Variants in LRMDA observed in about 807,000 individuals in gnomAD.
LRMDA encodes leucine-rich melanocyte differentiation-associated protein.
Under a neutral mutation model 29.8 loss-of-function variants are expected in LRMDA, and 18 were observed. That is an observed-to-expected ratio of 0.60 (90% CI 0.42 to 0.90). LRMDA has a LOEUF of 0.90. Ranked by LOEUF, LRMDA falls within the 40% of genes least tolerant of loss-of-function variation. The pLI, the probability that LRMDA is intolerant of heterozygous loss-of-function variation, is 0.00. For synonymous variants in LRMDA, 125 were observed against 109.4 expected, an observed-to-expected ratio of 1.14 and a Z score of -0.89; for missense variants, 273 against 273.9, an observed-to-expected ratio of 1.00 and a Z score of 0.02.
chr10:76,091,270 G>A (rs981021596), intron 5 of LRMDA, among the ~76,000 whole-genome samples: 2 of 147,424 alleles, frequency 1.4e-5, no homozygotes, highest in African/African-American at 5.1e-5. Context: ...AAATAAACAT[G>A]GTGGACGTGT....
chr10:76,542,486 C>T (rs761511818), intron 6 of LRMDA, among the ~76,000 whole-genome samples: 31 of 152,142 alleles, frequency 2.0e-4, no homozygotes, highest in Non-Finnish European at 1.3e-4. Flanking sequence ...TAACAGCACC[C>T]GCACATGCCT....
In LRMDA at chr10:76,020,685, T is replaced by C. The variant is rs1006883801; in HGVS notation, c.132-15323T>C. Among the ~76,000 whole-genome samples, 24 of 152,206 alleles carry C rather than the reference T, an allele frequency of 1.6e-4. 1 individual carries two copies. Among genetic ancestry groups the C allele is most frequent in the Non-Finnish European group, 2.8e-4 (19 of 68,022 alleles). ...GAGAAGAGTCTCCTCCAGGTTCCCC[T>C]GGCAGCTCCCAATCCCCTCACCATG... On this transcript the variant is annotated intron_variant, in intron 2 of 6. Transcript: ENST00000611255.
intron 2 of LRMDA, among the ~76,000 whole-genome samples, chr10:75,825,168 G>A (rs1479789743): frequency 6.6e-6 from 1 of 152,110 alleles, no homozygotes; most frequent in Non-Finnish European, 1.5e-5. Context: ...CTATGGGCAT[G>A]GGCCACTGGA....
chr10:75,583,794 G>T (rs761302017), intron 2 of LRMDA, among the ~76,000 whole-genome samples: 2 of 151,920 alleles, frequency 1.3e-5, no homozygotes, highest in African/African-American at 2.4e-5. Flanking sequence ...CAGTCATTAA[G>T]TCCCAATTTT....
intron 2 of LRMDA, among the ~76,000 whole-genome samples, chr10:76,035,246 C>T (rs1164834762): frequency 6.6e-6 from 1 of 151,940 alleles, no homozygotes; most frequent in Non-Finnish European, 1.5e-5. Context: ...TAACTTCAGG[C>T]CAGGAGCTTT....
At chr10:76,000,900 A>G (rs1428186901) in intron 2 of LRMDA, among the ~76,000 whole-genome samples, 1 of 152,154 alleles carries the variant, frequency 6.6e-6, no homozygotes, top group African/African-American at 2.4e-5. Context: ...CTTCTCCACC[A>G]TAAGGGGTCT....
At chr10:76,443,835 G>T (rs11001783) in intron 6 of LRMDA, among the ~76,000 whole-genome samples, 1 of 151,986 alleles carries the variant, frequency 6.6e-6, no homozygotes, top group Non-Finnish European at 1.5e-5. Context: ...TTCTGTGAGA[G>T]CTTATGAGTT....
intron 2 of LRMDA, among the ~76,000 whole-genome samples, chr10:75,793,272 G>A (rs186986158): frequency 5.6e-4 from 85 of 152,258 alleles, no homozygotes; most frequent in Non-Finnish European, 1.0e-3. Context: ...CCTGTTGAAG[G>A]ATATTCACTG....
intron 2 of LRMDA, among the ~76,000 whole-genome samples, chr10:75,840,565 CTGTG>C (rs144017999): frequency 6.6e-6 from 1 of 152,072 alleles, no homozygotes; most frequent in South Asian, 2.1e-4. Context: ...CTGTGTGTGT[CTGTG>C]TGTGTGTGCA....
chr10:76,551,794 G>A (rs568695059), intron 6 of LRMDA, among the ~76,000 whole-genome samples: 4 of 152,258 alleles, frequency 2.6e-5, no homozygotes, highest in African/African-American at 7.2e-5. Flanking sequence ...AGAGCCTTCT[G>A]CAGTGGACCA....
At chr10:76,148,392 C>T (rs994075392) in intron 5 of LRMDA, among the ~76,000 whole-genome samples, 11 of 152,100 alleles carry the variant, frequency 7.2e-5, no homozygotes, top group African/African-American at 1.9e-4. Flanking sequence ...TGGGCAATGG[C>T]GGGAACCCCT....
At chr10:76,143,331 C>A (rs1850242999) in intron 5 of LRMDA, among the ~76,000 whole-genome samples, 1 of 152,218 alleles carries the variant, frequency 6.6e-6, no homozygotes, top group Admixed American at 6.5e-5. Context: ...GTTCCTATTT[C>A]TCCACATTCT....
rs147340125 is a variant in LRMDA at position 76,321,838 on chromosome 10, G to A, written c.517-2563G>A. Among the ~76,000 whole-genome samples, 723 of 152,200 alleles carry A rather than the reference G, an allele frequency of 4.8e-3. 5 individuals are homozygous for A. The highest frequency in any genetic ancestry group is 0.016 in the African/African-American group (683 of 41,528). ...CACGTGCCTGTAATCCCAGCTACTC[G>A]GGAGGCTGAGGCATGAGAATTGCTT... On this transcript the variant is annotated intron_variant, in intron 5 of 6. Coordinates refer to ENST00000611255, the MANE Select transcript of LRMDA (RefSeq NM_001305581.2).
chr10:75,730,730 A>C (rs540053227), intron 2 of LRMDA, among the ~76,000 whole-genome samples: 3 of 152,334 alleles, frequency 2.0e-5, no homozygotes, highest in East Asian at 3.9e-4. Context: ...TGAATTATGC[A>C]CAAGAGCCAC....
At chr10:76,089,011 A>G (rs886920867) in intron 5 of LRMDA, among the ~76,000 whole-genome samples, 11 of 152,164 alleles carry the variant, frequency 7.2e-5, no homozygotes, top group Admixed American at 5.9e-4. Flanking sequence ...TTCCTACTCT[A>G]TGGAAGTCGT....
rs571621676 is a variant in LRMDA at position 75,752,767 on chromosome 10, G to A, written c.132-283241G>A. Among the ~76,000 whole-genome samples, 20 of 152,258 alleles carry A rather than the reference G, an allele frequency of 1.3e-4. No homozygotes were observed. The South Asian group carries it at 4.1e-3, about 32-fold the overall frequency. ...ACACTCTAGGATCACATTAAATGAA[G>A]CTTGTGTTAAACCAATGAGCTTCTT... On this transcript the variant is annotated intron_variant, in intron 2 of 6. Coordinates refer to ENST00000611255, the MANE Select transcript of LRMDA (RefSeq NM_001305581.2).
chr10:75,575,083 C>G (rs902904811), intron 2 of LRMDA, among the ~76,000 whole-genome samples: 1 of 152,136 alleles, frequency 6.6e-6, no homozygotes, highest in African/African-American at 2.4e-5. Flanking sequence ...TTGCCACACA[C>G]TTTCAAATGA....
chr10:75,894,851 C>A (rs1374952769), intron 2 of LRMDA, among the ~76,000 whole-genome samples: 1 of 152,180 alleles, frequency 6.6e-6, no homozygotes, highest in East Asian at 1.9e-4. Flanking sequence ...CATCAGTAAA[C>A]AACTGAGTGT....
intron 2 of LRMDA, among the ~76,000 whole-genome samples, chr10:75,716,595 G>T (rs1317958015): frequency 6.6e-6 from 1 of 152,196 alleles, no homozygotes; most frequent in Non-Finnish European, 1.5e-5. Context: ...TAAAAGTGTT[G>T]CATACCTTTA....
Sources: allele counts gnomAD v4.1 joint callset (sites outside exome capture counted in the v4.1 genomes callset), GRCh38; gene constraint gnomAD v4.1.1; transcripts MANE v1.5; gene names NCBI Gene and HGNC (gene_info 2026-07-23, HGNC 2026-07-21).